Variants in KLF7 observed in about 807,000 individuals in gnomAD.
The protein encoded by KLF7 is Krueppel-like factor 7.
A neutral mutation model predicts 27.3 loss-of-function variants in KLF7; 2 were observed. That is an observed-to-expected ratio of 0.07 (90% CI 0.03 to 0.23). The LOEUF is 0.23. Among genes scored for constraint, KLF7 ranks in the 10% least tolerant of loss-of-function variants. The probability of loss-of-function intolerance (pLI) is 1.00; values close to 1 mark genes in which losing one functional copy is unlikely to be tolerated. For missense variants in KLF7, 221 were observed against 394.1 expected (o/e 0.56, Z 3.72); for synonymous variants, 165 against 162.4 (o/e 1.02, Z -0.12).
At chr2:207,168,793 T>TA (rs1009472548), upstream of KLF7, among the ~76,000 whole-genome samples, 1 of 152,242 alleles carries the variant, frequency 6.6e-6, no homozygotes, top group African/African-American at 2.4e-5. Context: ...ATATTAGTTA[T>TA]ATTTAGCTAC....
chr2:207,146,298 G>C (rs2078094590), intron 1 of KLF7, among the ~76,000 whole-genome samples: 1 of 152,070 alleles, frequency 6.6e-6, no homozygotes, highest in South Asian at 2.1e-4. Context: ...TTACTTTGGG[G>C]GAATTCAAGA....
At position 207,079,121 on chromosome 2, in the gene KLF7, G is replaced by C. The variant is rs2105838952; in HGVS notation, c.*2092C>G. On this transcript the variant is annotated 3_prime_UTR_variant, in exon 4 of 4. Coordinates refer to ENST00000309446, the MANE Select transcript of KLF7 (RefSeq NM_003709.4). ...TTGGTCTAAATAGAAAAAAGGAAAA[G>C]GAGAAAGTAAATTCTTAGGGCCAGA... The C allele has an allele frequency of 6.6e-6, 1 of 151,078 alleles. No individual in the cohort carries two copies. Among genetic ancestry groups the C allele is most frequent in the East Asian group, 2.0e-4 (1 of 5,128 alleles). 9.4% of individuals were successfully genotyped at this position (151,078 alleles called of 1,614,324 possible).
chr2:207,147,145 A>G (rs1222732556), intron 1 of KLF7, among the ~76,000 whole-genome samples: 1 of 152,224 alleles, frequency 6.6e-6, no homozygotes, highest in East Asian at 1.9e-4. Context: ...GCTCCCATTA[A>G]AAGAACAGCA....
intron 2 of KLF7, among the ~76,000 whole-genome samples, chr2:207,123,358 G>T (rs1042702143): frequency 3.9e-5 from 6 of 152,152 alleles, no homozygotes; most frequent in Non-Finnish European, 5.9e-5. Context: ...AGTGAATAGG[G>T]ACACCCTAGC....
intron 2 of KLF7, among the ~76,000 whole-genome samples, chr2:207,106,152 C>T (rs1203226139): frequency 2.0e-5 from 3 of 152,124 alleles, no homozygotes; most frequent in African/African-American, 7.2e-5. Context: ...GGAAAGTGGT[C>T]TTAAGAGATC....
At chr2:207,153,012 G>C (rs1205187237) in intron 1 of KLF7, among the ~76,000 whole-genome samples, 1 of 152,140 alleles carries the variant, frequency 6.6e-6, no homozygotes, top group Non-Finnish European at 1.5e-5. Flanking sequence ...CAGTCTAGGA[G>C]CTTACTGTTT....
intron 1 of KLF7, among the ~76,000 whole-genome samples, chr2:207,145,086 CG>C (rs2078061411): frequency 6.6e-6 from 1 of 152,216 alleles, no homozygotes; most frequent in Admixed American, 6.5e-5. Context: ...ATGGAACTCT[CG>C]TATCTATATT....
At chr2:207,130,979 T>C (rs922137830) in intron 1 of KLF7, among the ~76,000 whole-genome samples, 1 of 152,210 alleles carries the variant, frequency 6.6e-6, no homozygotes, top group Non-Finnish European at 1.5e-5. Context: ...TTGTGGTCCT[T>C]TAGCCAGCTG....
chr2:207,153,306 A>G (rs181465968), intron 1 of KLF7, among the ~76,000 whole-genome samples: 55 of 152,332 alleles, frequency 3.6e-4, no homozygotes, highest in Non-Finnish European at 6.5e-4. Context: ...GTTAAACACA[A>G]AGCTAGTGAG....
chr2:207,171,633 C>A (rs1351986037), upstream of KLF7, among the ~76,000 whole-genome samples: 2 of 152,168 alleles, frequency 1.3e-5, no homozygotes, highest in African/African-American at 4.8e-5. Context: ...TGAGGAAAGA[C>A]CTTCTACCAG....
intron 1 of KLF7, among the ~76,000 whole-genome samples, chr2:207,134,592 T>C (rs1156395781): frequency 6.6e-6 from 1 of 152,214 alleles, no homozygotes; most frequent in African/African-American, 2.4e-5. Flanking sequence ...ATATGGATTG[T>C]TGTACTGTTA....
At chr2:207,144,754 G>C (rs2078048630) in intron 1 of KLF7, among the ~76,000 whole-genome samples, 1 of 152,156 alleles carries the variant, frequency 6.6e-6, no homozygotes. Context: ...ACACATCTTA[G>C]TCCCCAAATC....
intron 2 of KLF7, among the ~76,000 whole-genome samples, chr2:207,117,819 G>C (rs567448827): frequency 8.5e-5 from 13 of 152,270 alleles, no homozygotes; most frequent in African/African-American, 3.1e-4. Flanking sequence ...GGAGAGAAGC[G>C]ACTTGTTATC....
chr2:207,096,737 T>A (rs774680821), intron 2 of KLF7, among the ~76,000 whole-genome samples: 8 of 152,176 alleles, frequency 5.3e-5, no homozygotes, highest in Non-Finnish European at 1.2e-4. Flanking sequence ...AGGGGCCACA[T>A]TTGACTTGTT....
intron 1 of KLF7, among the ~76,000 whole-genome samples, chr2:207,149,373 G>GGGCCTTTCTAA (rs1383719760): frequency 1.3e-5 from 2 of 152,224 alleles, no homozygotes; most frequent in Admixed American, 1.3e-4. Flanking sequence ...GGGGCCTCCT[G>GGGCCTTTCTAA]GGCCCATATC....
At chr2:207,126,139 A>C (rs1434500043) in intron 1 of KLF7, among the ~76,000 whole-genome samples, 1 of 152,204 alleles carries the variant, frequency 6.6e-6, no homozygotes, top group African/African-American at 2.4e-5. Context: ...TAGAAATATG[A>C]ATTATCCTCA....
At chr2:207,112,288 A>G (rs1381044178) in intron 2 of KLF7, among the ~76,000 whole-genome samples, 1 of 151,992 alleles carries the variant, frequency 6.6e-6, no homozygotes, top group African/African-American at 2.4e-5. Flanking sequence ...GAGCACTACT[A>G]ACGGCTAGCT....
intron 1 of KLF7, among the ~76,000 whole-genome samples, chr2:207,131,205 G>A (rs971342052): frequency 6.6e-6 from 1 of 152,198 alleles, no homozygotes; most frequent in Non-Finnish European, 1.5e-5. Context: ...TGCTTCTGGC[G>A]AGGAAGGGAC....
intron 1 of KLF7, among the ~76,000 whole-genome samples, chr2:207,164,579 C>T (rs965813303): frequency 2.6e-5 from 4 of 151,660 alleles, no homozygotes; most frequent in African/African-American, 9.7e-5. Flanking sequence ...TATTCCACTT[C>T]ACAAAGCCCA....
Sources: gnomAD v4.1 joint callset for allele counts (sites outside exome capture counted in the v4.1 genomes callset) on GRCh38, gnomAD v4.1.1 for gene constraint, MANE v1.5 for transcripts, NCBI Gene and HGNC (gene_info 2026-07-23, HGNC 2026-07-21) for gene names.